SLIT3: variants seen among roughly 807,000 people sequenced by gnomAD.
SLIT3 encodes slit guidance ligand 3.
A neutral mutation model predicts 184.0 loss-of-function variants in SLIT3; 68 were observed. That is an observed-to-expected ratio of 0.37 (90% CI 0.30 to 0.45). The LOEUF (loss-of-function observed/expected upper bound fraction) is 0.45. Ranked by LOEUF, SLIT3 falls within the 20% of genes least tolerant of loss-of-function variation. SLIT3 has a pLI of 1.00. For synonymous variants in SLIT3, 831 were observed against 828.6 expected (o/e 1.00, Z -0.05); for missense variants, 1,707 against 2,026.0 (o/e 0.84, Z 3.02).
At chr5:169,028,241 T>TA (rs926350729) in intron 4 of SLIT3, among the ~76,000 whole-genome samples, 1 of 132,520 alleles carries the variant, frequency 7.5e-6, no homozygotes, top group African/African-American at 3.2e-5. Context: ...TTATTAGTGA[T>TA]GGGAAAAAAA....
At chr5:169,268,833 A>T (rs1766496550) in intron 1 of SLIT3, among the ~76,000 whole-genome samples, 1 of 152,230 alleles carries the variant, frequency 6.6e-6, no homozygotes, top group African/African-American at 2.4e-5. Flanking sequence ...ATAACAATTA[A>T]TAATGGTTTT....
At chr5:168,725,265 C>T (rs990274272) in intron 20 of SLIT3, among the ~76,000 whole-genome samples, 5 of 152,098 alleles carry the variant, frequency 3.3e-5, no homozygotes, top group African/African-American at 9.7e-5. Context: ...AGGATGAGGC[C>T]GCCTCCTTAG....
At chr5:169,262,345 A>C (rs1766221790) in intron 1 of SLIT3, among the ~76,000 whole-genome samples, 1 of 152,146 alleles carries the variant, frequency 6.6e-6, no homozygotes, top group Non-Finnish European at 1.5e-5. Flanking sequence ...TGCCCTCCCT[A>C]GGGTGTCCAG....
chr5:169,178,290 C>T (rs1763043647), intron 4 of SLIT3, among the ~76,000 whole-genome samples: 1 of 152,208 alleles, frequency 6.6e-6, no homozygotes, highest in Admixed American at 6.5e-5. Context: ...GCTGTGCCCA[C>T]AGCAACAAAC....
At chr5:169,104,671 T>G (rs1309563725) in intron 4 of SLIT3, among the ~76,000 whole-genome samples, 1 of 152,186 alleles carries the variant, frequency 6.6e-6, no homozygotes, top group African/African-American at 2.4e-5. Context: ...TGGTGATTTT[T>G]TCTCGTATTT....
chr5:168,831,658 G>A (rs1455207610), intron 6 of SLIT3, among the ~76,000 whole-genome samples: 1 of 152,148 alleles, frequency 6.6e-6, no homozygotes, highest in Non-Finnish European at 1.5e-5. Flanking sequence ...AAGTGATTTG[G>A]CACCGGGTGA....
chr5:168,755,404 T>TCCTTCCTTC (rs1491410943), intron 16 of SLIT3, among the ~76,000 whole-genome samples: 2 of 20,058 alleles, frequency 1.0e-4, no homozygotes, highest in East Asian at 3.1e-3. Flanking sequence ...TTTCTTTCTT[T>TCCTTCCTTC]CTTTCTTTCT....
intron 20 of SLIT3, among the ~76,000 whole-genome samples, chr5:168,746,724 C>T (rs185769425): frequency 0.045 from 470 of 10,410 alleles, no homozygotes; most frequent in Admixed American, 0.063. Context: ...GTGGGTGTGG[C>T]GGTGTGTGGT....
In SLIT3 at chr5:168,935,682, T is replaced by C. The variant is rs139904554; in HGVS notation, c.414-52346A>G. Among the ~76,000 whole-genome samples, 4 of 152,296 alleles carry C rather than the reference T, an allele frequency of 2.6e-5. No homozygotes were observed. In the East Asian group the frequency reaches 5.8e-4, roughly 22 times the overall value. On this transcript the variant is annotated intron_variant, in intron 4 of 35. Transcript: ENST00000519560. ...AAGTTTGAGTGCATTTCAGCTTTCA[T>C]GGTGTTTTCATAAATAGGGATATAT... is the stretch of plus-strand genomic sequence containing the variant.
At chr5:169,202,413 C>T (rs980589831) in intron 3 of SLIT3, among the ~76,000 whole-genome samples, 11 of 152,084 alleles carry the variant, frequency 7.2e-5, no homozygotes, top group African/African-American at 2.4e-4. Context: ...GACACTGTTA[C>T]AGTCATTAAG....
chr5:169,132,868 C>T (rs999260218), intron 4 of SLIT3, among the ~76,000 whole-genome samples: 1 of 152,138 alleles, frequency 6.6e-6, no homozygotes. Context: ...TTTTAATGGG[C>T]ATTTGCTATA....
intron 4 of SLIT3, among the ~76,000 whole-genome samples, chr5:168,913,908 T>C (rs965990440): frequency 6.6e-6 from 1 of 152,238 alleles, no homozygotes; most frequent in African/African-American, 2.4e-5. Context: ...TACTGGTATA[T>C]ATACGTATTA....
intron 3 of SLIT3, among the ~76,000 whole-genome samples, chr5:169,229,916 G>T (rs898273561): frequency 3.3e-5 from 5 of 152,110 alleles, no homozygotes; most frequent in African/African-American, 1.2e-4. Context: ...AGGTGCCGAA[G>T]ATCCTACAGC....
intron 3 of SLIT3, among the ~76,000 whole-genome samples, chr5:169,201,207 A>G (rs1212895216): frequency 1.3e-5 from 2 of 152,158 alleles, no homozygotes; most frequent in East Asian, 3.8e-4. Context: ...TTAGTTTGTA[A>G]GTTCTGAAAG....
At chr5:168,744,161 C>T (rs1389669113) in intron 20 of SLIT3, among the ~76,000 whole-genome samples, 1 of 152,110 alleles carries the variant, frequency 6.6e-6, no homozygotes, top group Non-Finnish European at 1.5e-5. Context: ...TGGTGGCGGG[C>T]TCCTGTAGTC....
intron 4 of SLIT3, among the ~76,000 whole-genome samples, chr5:169,077,736 T>C (rs2113145414): frequency 6.6e-6 from 1 of 151,940 alleles, no homozygotes; most frequent in South Asian, 2.1e-4. Flanking sequence ...CAAGGGTCAA[T>C]GTATATCAAA....
chr5:169,284,569 A>G (rs888779), intron 1 of SLIT3, among the ~76,000 whole-genome samples: 118,271 of 152,164 alleles, frequency 0.78, 46,231 homozygotes, highest in African/African-American at 0.87. Flanking sequence ...AGACAGAAGC[A>G]TTCCTCATCT....
In SLIT3 at chr5:169,006,367, A is replaced by G. The variant is rs188123060; in HGVS notation, c.414-123031T>C. 1.1e-4 allele frequency among the ~76,000 whole-genome samples: 16 copies of G among 152,294 alleles called. 1 individual carries two copies. The South Asian group carries it at 2.9e-3, about 28-fold the overall frequency. ...AGATCTGGATTGTATTCTACTGTCC[A>G]TATGGCTGGTTCCTTCATCCCTTAA... On this transcript the variant is annotated intron_variant, in intron 4 of 35. Coordinates refer to ENST00000519560, the MANE Select transcript of SLIT3 (RefSeq NM_003062.4).
At chr5:169,266,742 C>T (rs532299623) in intron 1 of SLIT3, among the ~76,000 whole-genome samples, 3 of 152,280 alleles carry the variant, frequency 2.0e-5, no homozygotes, top group Non-Finnish European at 4.4e-5. Context: ...ATACACCTAG[C>T]AATACGGCAT....
Sources: allele counts gnomAD v4.1 joint callset (sites outside exome capture counted in the v4.1 genomes callset), GRCh38; gene constraint gnomAD v4.1.1; transcripts MANE v1.5; gene names NCBI Gene and HGNC (gene_info 2026-07-23, HGNC 2026-07-21).